Variants in GLDN observed in about 807,000 individuals in gnomAD.
The protein encoded by GLDN is collomin.
In GLDN, 47 loss-of-function variants were observed where a neutral mutation model predicts 56.5. The ratio of observed to expected loss-of-function variants is 0.83; its 90% CI spans 0.66 to 1.06. GLDN has a LOEUF of 1.06. Ranked by LOEUF, GLDN falls within the 50% of genes least tolerant of loss-of-function variation. The pLI, the probability that GLDN is intolerant of heterozygous loss-of-function variation, is 0.00. For missense variants in GLDN, 782 were observed against 714.3 expected, an observed-to-expected ratio of 1.09 and a Z score of -1.08; for synonymous variants, 332 against 278.8, an observed-to-expected ratio of 1.19 and a Z score of -1.90.
intron 1 of GLDN, among the ~76,000 whole-genome samples, chr15:51,366,665 G>C (rs2141071861): frequency 6.6e-6 from 1 of 152,268 alleles, no homozygotes; most frequent in East Asian, 1.9e-4. Context: ...GTAATCCCAG[G>C]ACTGTGGGAG....
chr15:51,389,795 T>C (rs1044796694), intron 4 of GLDN, among the ~76,000 whole-genome samples: 2 of 152,174 alleles, frequency 1.3e-5, no homozygotes, highest in African/African-American at 4.8e-5. Flanking sequence ...TCACAGGTTA[T>C]GAGGCTACCC....
chr15:51,378,092 C>T (rs2037674962), intron 2 of GLDN, among the ~76,000 whole-genome samples: 1 of 152,130 alleles, frequency 6.6e-6, no homozygotes, highest in African/African-American at 2.4e-5. Context: ...CCAATATTTC[C>T]CCCACCTCCC....
intron 4 of GLDN, chr15:51,384,220 G>A: frequency 2.9e-6 from 1 of 345,862 alleles, no homozygotes. Flanking sequence ...TGGTGCTGGT[G>A]CATGCTCTTT....
At chr15:51,374,400 T>TCACCA (rs1763146991) in intron 1 of GLDN, among the ~76,000 whole-genome samples, 1 of 152,210 alleles carries the variant, frequency 6.6e-6, no homozygotes, top group African/African-American at 2.4e-5. Context: ...CTAAAGGCAG[T>TCACCA]GAATCAATTT....
At chr15:51,403,407 C>T (rs912500889) in intron 9 of GLDN, among the ~76,000 whole-genome samples, 4 of 152,232 alleles carry the variant, frequency 2.6e-5, no homozygotes, top group African/African-American at 9.7e-5. Flanking sequence ...CTGTTATGCT[C>T]AAATGCATAT....
intron 1 of GLDN, among the ~76,000 whole-genome samples, chr15:51,375,795 G>A (rs900314956): frequency 6.6e-6 from 1 of 152,164 alleles, no homozygotes; most frequent in Admixed American, 6.5e-5. Flanking sequence ...TTATTCAGAG[G>A]AGGAGATCAG....
chr15:51,383,356 A>C, intron 2 of GLDN, 80 bp from the exon 3 acceptor site: 6 of 1,418,150 alleles, frequency 4.2e-6, no homozygotes, highest in Non-Finnish European at 6.0e-6. Flanking sequence ...GTAGATAATT[A>C]GGAGATTTGA....
rs1477621481 is a variant in GLDN at position 51,404,472 on chromosome 15, A to C, written c.1374A>C (p.Ser458=). 1 of 1,614,182 alleles carries C rather than the reference A, an allele frequency of 6.2e-7. No homozygotes were observed. The highest frequency in any genetic ancestry group is 8.5e-7 in the Non-Finnish European group (1 of 1,180,032). Residue 458 remains serine, a synonymous_variant, in exon 10 of 10, where the codon TCA becomes TCC. Coordinates refer to ENST00000335449, the MANE Select transcript of GLDN (RefSeq NM_181789.4). ...CACAACTGGATGAGAGGACATTCTC[A>C]GTGGTGCAACACGTCAATACCACGT... ...LVAQLDERTF[S]VVQHVNTTYP...
intron 1 of GLDN, among the ~76,000 whole-genome samples, chr15:51,363,836 A>G (rs2037350403): frequency 6.6e-6 from 1 of 152,182 alleles, no homozygotes; most frequent in Non-Finnish European, 1.5e-5. Context: ...TCTTTATTTT[A>G]CCTTTGCTTT....
chr15:51,351,052 C>T (rs549011586), intron 1 of GLDN: 40 of 224,822 alleles, frequency 1.8e-4, no homozygotes, highest in Non-Finnish European at 2.7e-4. Context: ...TTTAAGTGAA[C>T]GTAAACTCAA....
intron 2 of GLDN, among the ~76,000 whole-genome samples, chr15:51,381,778 T>TTA (rs1217983866): frequency 2.0e-5 from 3 of 152,024 alleles, no homozygotes; most frequent in African/African-American, 7.3e-5. Context: ...GTTTTTTTTT[T>TTA]TTCTGCAATG....
At chr15:51,396,789 C>T (rs893266572) in intron 5 of GLDN, among the ~76,000 whole-genome samples, 2 of 152,158 alleles carry the variant, frequency 1.3e-5, no homozygotes, top group Admixed American at 6.5e-5. Context: ...GTTTACCAGG[C>T]ACTGTGCTTC....
intron 1 of GLDN, among the ~76,000 whole-genome samples, chr15:51,351,531 C>G (rs2037076821): frequency 6.6e-6 from 1 of 152,114 alleles, no homozygotes; most frequent in African/African-American, 2.4e-5. Flanking sequence ...GGCAAAGGTC[C>G]CTCCTGGTGT....
intron 4 of GLDN, among the ~76,000 whole-genome samples, chr15:51,387,231 C>T (rs2141108694): frequency 6.6e-6 from 1 of 152,248 alleles, no homozygotes; most frequent in South Asian, 2.1e-4. Context: ...CGTTCATCAA[C>T]AAATACTTAT....
chr15:51,408,524 T>G (rs1288745791), downstream of GLDN, among the ~76,000 whole-genome samples: 1 of 152,198 alleles, frequency 6.6e-6, no homozygotes, highest in East Asian at 1.9e-4. Flanking sequence ...GGAGCCAGAG[T>G]GACCCTGTTC....
chr15:51,347,630 C>T (rs895198303), intron 1 of GLDN, among the ~76,000 whole-genome samples: 4 of 152,136 alleles, frequency 2.6e-5, no homozygotes, highest in South Asian at 2.1e-4. Context: ...GTTCGGAGTG[C>T]GGAATGATGG....
intron 8 of GLDN, among the ~76,000 whole-genome samples, chr15:51,400,912 C>T (rs546966383): frequency 4.6e-5 from 7 of 152,332 alleles, no homozygotes; most frequent in Non-Finnish European, 7.3e-5. Context: ...TCCCAGCCAC[C>T]TGTTGGACAG....
At chr15:51,393,291 T>G (rs1399190704) in intron 4 of GLDN, among the ~76,000 whole-genome samples, 1 of 152,174 alleles carries the variant, frequency 6.6e-6, no homozygotes, top group Non-Finnish European at 1.5e-5. Flanking sequence ...GCAGTTAGGT[T>G]TCATCCTTTA....
At chr15:51,370,290 G>A (rs774328412) in intron 1 of GLDN, among the ~76,000 whole-genome samples, 1 of 152,076 alleles carries the variant, frequency 6.6e-6, no homozygotes, top group Non-Finnish European at 1.5e-5. Flanking sequence ...CCTCTGATGG[G>A]ATCAGAGTCT....
Sources: gnomAD v4.1 joint callset for allele counts (sites outside exome capture counted in the v4.1 genomes callset) on GRCh38, gnomAD v4.1.1 for gene constraint, MANE v1.5 for transcripts, NCBI Gene and HGNC (gene_info 2026-07-23, HGNC 2026-07-21) for gene names.